The following NDUFA12 variants were observed in gnomAD, a reference collection of about 807,000 sequenced individuals.
NDUFA12 encodes NADH:ubiquinone oxidoreductase subunit A12.
In NDUFA12, 17 loss-of-function variants were observed where a neutral mutation model predicts 20.3. The observed-to-expected ratio is 0.84, with a 90% CI of 0.57 to 1.26. The LOEUF is 1.26. Among genes scored for constraint, NDUFA12 ranks in the 50% most tolerant of loss-of-function variants. The probability of loss-of-function intolerance (pLI) is 0.00; values close to 1 mark genes in which losing one functional copy is unlikely to be tolerated. For missense variants in NDUFA12, 191 were observed against 183.7 expected (o/e 1.04, Z -0.23); for synonymous variants, 72 against 63.6 (o/e 1.13, Z -0.63).
At chr12:94,987,207 T>C (rs1316504246) in intron 3 of NDUFA12, among the ~76,000 whole-genome samples, 2 of 152,156 alleles carry the variant, frequency 1.3e-5, no homozygotes, top group East Asian at 1.9e-4. Context: ...CACAGAAGCA[T>C]AGCCTGAACC....
At chr12:95,001,723 G>T (rs1875038526) in intron 2 of NDUFA12, among the ~76,000 whole-genome samples, 1 of 151,964 alleles carries the variant, frequency 6.6e-6, no homozygotes, top group African/African-American at 2.4e-5. Flanking sequence ...ATTCTTTTTT[G>T]AGATAAGAGT....
intron 3 of NDUFA12, among the ~76,000 whole-genome samples, chr12:94,982,721 A>T (rs1874284320): frequency 6.6e-6 from 1 of 152,118 alleles, no homozygotes; most frequent in African/African-American, 2.4e-5. Context: ...TAGCTTCAGG[A>T]TTCCCTTTCC....
At chr12:94,981,136 G>A (rs1339903031) in intron 3 of NDUFA12, among the ~76,000 whole-genome samples, 4 of 152,144 alleles carry the variant, frequency 2.6e-5, no homozygotes, top group Non-Finnish European at 5.9e-5. Flanking sequence ...AAGTAGTATA[G>A]AATAGTACTT....
In NDUFA12 at chr12:94,994,200, T is replaced by G; in HGVS notation, c.227A>C (p.Asp76Ala). 6.2e-7 allele frequency: 1 copy of G among 1,614,140 alleles called. No individual in the cohort carries two copies. The highest frequency in any genetic ancestry group is 8.5e-7 in the Non-Finnish European group (1 of 1,179,992). Reference protein sequence around the residue: ...TEMNGKNTFWDVDGSMVPPEW... With the variant: ...TEMNGKNTFWAVDGSMVPPEW... The stretch of plus-strand genomic sequence containing the variant: ...AGGAGGCACCATGCTTCCATCCACA[T>G]CCCAGAATGTGTTTTTGCCATTCAT... The change falls in exon 3 of 4, where the codon GAT (aspartate) becomes GCT (alanine). Residue 76 changes from aspartate (D) to alanine (A), a missense_variant. Physicochemically the swap from Asp to Ala is moderately radical, Grantham distance 126 (BLOSUM62 -2). Transcript: ENST00000327772.
intron 2 of NDUFA12, among the ~76,000 whole-genome samples, chr12:94,999,322 C>A (rs1874942231): frequency 6.6e-6 from 1 of 152,286 alleles, no homozygotes; most frequent in African/African-American, 2.4e-5. Context: ...TTGCCTTATA[C>A]AAAAATCAAC....
intron 3 of NDUFA12, among the ~76,000 whole-genome samples, chr12:94,984,188 C>T (rs1874332284): frequency 6.6e-6 from 1 of 152,148 alleles, no homozygotes; most frequent in Admixed American, 6.5e-5. Flanking sequence ...GGACTGCCGT[C>T]AGTGGTACTG....
At chr12:94,976,495 T>C (rs1874069190) in intron 3 of NDUFA12, among the ~76,000 whole-genome samples, 1 of 152,228 alleles carries the variant, frequency 6.6e-6, no homozygotes, top group African/African-American at 2.4e-5. Context: ...ACCTCCTGTA[T>C]ACTTTAAATC....
chr12:94,999,343 T>C (rs1160310785), intron 2 of NDUFA12, among the ~76,000 whole-genome samples: 2 of 152,176 alleles, frequency 1.3e-5, no homozygotes, highest in Non-Finnish European at 2.9e-5. Context: ...TCAAGATGGA[T>C]CAAAGAGTTA....
intron 3 of NDUFA12, among the ~76,000 whole-genome samples, chr12:94,976,765 T>C (rs896772359): frequency 1.3e-5 from 2 of 152,246 alleles, no homozygotes; most frequent in Non-Finnish European, 2.9e-5. Flanking sequence ...CTTATTTCTT[T>C]TGTTATTTTT....
chr12:94,998,494 A>C (rs1874910418), intron 2 of NDUFA12, among the ~76,000 whole-genome samples: 1 of 152,178 alleles, frequency 6.6e-6, no homozygotes, highest in South Asian at 2.1e-4. Context: ...AATTGGATAA[A>C]GGAAAGAAAT....
At chr12:94,971,889 C>T (rs1482450427) in intron 3 of NDUFA12, 3 of 626,526 alleles carry the variant, frequency 4.8e-6, no homozygotes, top group East Asian at 2.8e-5. Flanking sequence ...TGTTAGCTAC[C>T]GTTCTCATTA....
chr12:94,986,063 C>G (rs1834612), intron 3 of NDUFA12, among the ~76,000 whole-genome samples: 1 of 151,208 alleles, frequency 6.6e-6, no homozygotes, highest in Non-Finnish European at 1.5e-5. Flanking sequence ...CCAGTCTGGG[C>G]GACAAGAGCA....
chr12:94,971,680 C>T (rs766634343), intron 3 of NDUFA12, 60 bp from the exon 4 acceptor site: 12 of 1,574,742 alleles, frequency 7.6e-6, no homozygotes, highest in East Asian at 4.5e-5. Context: ...AGTGGAAGGA[C>T]GGTTAAAAAC....
At chr12:94,994,359 G>A (rs1565818507) in intron 2 of NDUFA12, 102 bp from the exon 3 acceptor site, 2 of 859,404 alleles carry the variant, frequency 2.3e-6, no homozygotes, top group African/African-American at 3.4e-5. Context: ...AAGACTTTTT[G>A]TGATCTTATA....
At chr12:94,972,007 C>T (rs991527682) in intron 3 of NDUFA12, among the ~76,000 whole-genome samples, 2 of 152,068 alleles carry the variant, frequency 1.3e-5, no homozygotes, top group Non-Finnish European at 2.9e-5. Flanking sequence ...ATTGCAGCCT[C>T]GAACTCCTGG....
At chr12:94,997,183 A>T (rs901674387) in intron 2 of NDUFA12, 1 of 204,156 alleles carries the variant, frequency 4.9e-6, no homozygotes, top group Admixed American at 6.3e-5. Context: ...ACACTCACAC[A>T]TACACACACA....
intron 1 of NDUFA12, 128 bp from the exon 2 acceptor site, chr12:95,002,949 G>A: frequency 1.3e-6 from 1 of 782,722 alleles, no homozygotes; most frequent in Non-Finnish European, 2.3e-6. Context: ...ATGAAGAAGT[G>A]CTGGGGATGG....
At chr12:94,981,578 T>A (rs1470456531) in intron 3 of NDUFA12, among the ~76,000 whole-genome samples, 1 of 152,082 alleles carries the variant, frequency 6.6e-6, no homozygotes, top group Non-Finnish European at 1.5e-5. Flanking sequence ...ATAAAACATA[T>A]AGGAAAATGA....
At chr12:95,000,814 C>A (rs1555201575) in intron 2 of NDUFA12, among the ~76,000 whole-genome samples, 1 of 152,152 alleles carries the variant, frequency 6.6e-6, no homozygotes. Context: ...TTATATTACA[C>A]ACATCTTTGA....
Sources: allele counts gnomAD v4.1 joint callset (sites outside exome capture counted in the v4.1 genomes callset), GRCh38; gene constraint gnomAD v4.1.1; transcripts MANE v1.5; gene names NCBI Gene and HGNC (gene_info 2026-07-23, HGNC 2026-07-21).